TENM1: variants seen among roughly 807,000 people sequenced by gnomAD.
The protein encoded by TENM1 is teneurin-1.
In TENM1, 35 loss-of-function variants were observed where a neutral mutation model predicts 174.8. The ratio of observed to expected loss-of-function variants is 0.20; its 90% CI spans 0.15 to 0.27. The LOEUF is 0.27. Ranked by LOEUF, TENM1 falls within the 10% of genes least tolerant of loss-of-function variation. The probability of loss-of-function intolerance (pLI) is 1.00; values close to 1 mark genes in which losing one functional copy is unlikely to be tolerated. For missense variants in TENM1, 1,633 were observed against 2,130.1 expected (o/e 0.77, Z 4.59); for synonymous variants, 781 against 798.7 (o/e 0.98, Z 0.37).
At chrX:124,606,833 T>A (rs894119430) in intron 11 of TENM1, among the ~76,000 whole-genome samples, 3 of 111,630 alleles carry the variant, frequency 2.7e-5, no homozygotes, top group African/African-American at 9.8e-5. Flanking sequence ...GGGGATAACA[T>A]ATATTCTCAC....
the TENM1 span, among the ~76,000 whole-genome samples, chrX:124,992,275 G>A: frequency 9.0e-6 from 1 of 110,925 alleles, no homozygotes; most frequent in East Asian, 2.8e-4. Context: ...CCTCTTTCTG[G>A]CTTCCAGATT....
In TENM1 at chrX:124,701,690, G is replaced by A. The variant is rs376863745; in HGVS notation, c.1015+3323C>T. ...ATTCCATGCTATCTTCATATAATCA[G>A]TATTTTTCCATGCCTCTCTTCACCA... On this transcript the variant is annotated intron_variant, in intron 5 of 31. Transcript: ENST00000422452. Among the ~76,000 whole-genome samples, 7 of 112,118 alleles carry A rather than the reference G, an allele frequency of 6.2e-5. No individual in the cohort carries two copies. In the Admixed American group the frequency reaches 6.6e-4, roughly 11 times the overall value.
chrX:124,767,710 C>A, intron 3 of TENM1, among the ~76,000 whole-genome samples: 1 of 111,157 alleles, frequency 9.0e-6, no homozygotes, highest in Non-Finnish European at 1.9e-5. Flanking sequence ...TTCAAGCCAA[C>A]ACTTAACCAA....
chrX:125,087,871 G>A, the TENM1 span, among the ~76,000 whole-genome samples: 1 of 111,208 alleles, frequency 9.0e-6, no homozygotes, highest in Non-Finnish European at 1.9e-5. Flanking sequence ...GTGGAGATGA[G>A]GCAAATATCC....
At chrX:124,546,143 C>T (rs994908759) in intron 15 of TENM1, among the ~76,000 whole-genome samples, 1 of 111,715 alleles carries the variant, frequency 9.0e-6, no homozygotes. Flanking sequence ...CAAATACTTT[C>T]CATGTTTCTT....
chrX:124,757,293 A>G (rs1222998288), intron 3 of TENM1, among the ~76,000 whole-genome samples: 1 of 112,451 alleles, frequency 8.9e-6, no homozygotes, highest in African/African-American at 3.2e-5. Context: ...AGGACCCTCC[A>G]AGCCAGGTGC....
chrX:124,583,964 G>A (rs1415707101), intron 11 of TENM1, among the ~76,000 whole-genome samples: 2 of 108,477 alleles, frequency 1.8e-5, no homozygotes, highest in Non-Finnish European at 3.8e-5. Context: ...ATGAAATGAA[G>A]CGAGAAGGGA....
chrX:124,455,201 T>C (rs1467535384), intron 22 of TENM1, among the ~76,000 whole-genome samples: 2 of 111,811 alleles, frequency 1.8e-5, no homozygotes, highest in Non-Finnish European at 3.8e-5. Context: ...TTTTGGTGAG[T>C]TCTCCAAGGA....
intron 4 of TENM1, among the ~76,000 whole-genome samples, chrX:124,732,221 T>C: frequency 8.9e-6 from 1 of 112,341 alleles, no homozygotes; most frequent in East Asian, 2.8e-4. Context: ...CTTCAGAACA[T>C]GTTAAACAGG....
At chrX:124,447,052 T>A (rs752239644) in intron 23 of TENM1, among the ~76,000 whole-genome samples, 1 of 111,340 alleles carries the variant, frequency 9.0e-6, no homozygotes, top group South Asian at 4.0e-4. Flanking sequence ...CGTCAATATA[T>A]TTTGATTTAC....
chrX:124,873,983 A>C (rs955028611), intron 3 of TENM1, among the ~76,000 whole-genome samples: 1 of 111,378 alleles, frequency 9.0e-6, no homozygotes, highest in Admixed American at 9.6e-5. Context: ...CCACTGCATA[A>C]ATTACTCAAA....
chrX:124,400,997 C>T (rs1384430241), intron 27 of TENM1, among the ~76,000 whole-genome samples: 1 of 111,390 alleles, frequency 9.0e-6, no homozygotes, highest in East Asian at 2.8e-4. Context: ...GTTAATGTGA[C>T]TTATTTCACT....
the TENM1 span, among the ~76,000 whole-genome samples, chrX:125,201,737 T>C: frequency 1.8e-5 from 2 of 112,068 alleles, no homozygotes; most frequent in Non-Finnish European, 3.8e-5. Flanking sequence ...TATTTCGACT[T>C]TCTTTAATCA....
chrX:124,964,096 G>C (rs1468968947), upstream of TENM1, among the ~76,000 whole-genome samples: 1 of 112,158 alleles, frequency 8.9e-6, no homozygotes, highest in Non-Finnish European at 1.9e-5. Context: ...TTCAAATAGA[G>C]GACAACGTTG....
At chrX:124,478,538 A>C (rs1268113342) in intron 22 of TENM1, among the ~76,000 whole-genome samples, 1 of 112,517 alleles carries the variant, frequency 8.9e-6, no homozygotes, top group Admixed American at 9.4e-5. Context: ...CGTACAGATT[A>C]ACATTTATTT....
chrX:124,815,877 A>C (rs757953625), intron 3 of TENM1, among the ~76,000 whole-genome samples: 1 of 111,630 alleles, frequency 9.0e-6, no homozygotes, highest in Admixed American at 9.6e-5. Context: ...AAAATAGCTG[A>C]GAGAAGGATT....
the TENM1 span, among the ~76,000 whole-genome samples, chrX:125,087,524 C>T: frequency 9.0e-6 from 1 of 111,114 alleles, no homozygotes; most frequent in Non-Finnish European, 1.9e-5. Context: ...TTTTCAGACT[C>T]ATTAATAAGC....
At chrX:124,385,122 C>G (rs930948611) in intron 29 of TENM1, among the ~76,000 whole-genome samples, 1 of 111,972 alleles carries the variant, frequency 8.9e-6, no homozygotes, top group African/African-American at 3.2e-5. Flanking sequence ...CATCCAGTAG[C>G]CCAGGGTGAT....
At chrX:125,202,016 G>A in the TENM1 span, among the ~76,000 whole-genome samples, 1 of 111,418 alleles carries the variant, frequency 9.0e-6, no homozygotes, top group African/African-American at 3.3e-5. Context: ...TCATGGAGCA[G>A]AAGTTAAAGG....
Sources: allele counts gnomAD v4.1 joint callset (sites outside exome capture counted in the v4.1 genomes callset), GRCh38; gene constraint gnomAD v4.1.1; transcripts MANE v1.5; gene names NCBI Gene and HGNC (gene_info 2026-07-23, HGNC 2026-07-21).